PLSCR2: variants seen among roughly 807,000 people sequenced by gnomAD.
PLSCR2 encodes phospholipid scramblase 2, also known as PL scramblase 2.
PLSCR2 carries 18 observed loss-of-function variants against 25.3 expected under a neutral mutation model. That is an observed-to-expected ratio of 0.71 (90% CI 0.49 to 1.06). The LOEUF is 1.06. Among genes scored for constraint, PLSCR2 ranks in the 50% least tolerant of loss-of-function variants. The pLI is 0.00. For missense variants in PLSCR2, 243 were observed against 269.5 expected, an observed-to-expected ratio of 0.90 and a Z score of 0.69; for synonymous variants, 88 against 87.3, an observed-to-expected ratio of 1.01 and a Z score of -0.04.
downstream of PLSCR2, among the ~76,000 whole-genome samples, chr3:146,440,488 C>G (rs1207527994): frequency 6.6e-6 from 1 of 152,206 alleles, no homozygotes; most frequent in East Asian, 1.9e-4. Flanking sequence ...ACGCCCCTTC[C>G]CCAGCCTCGC....
chr3:146,452,907 A>T (rs1450896606), intron 5 of PLSCR2, among the ~76,000 whole-genome samples: 1 of 151,896 alleles, frequency 6.6e-6, no homozygotes, highest in East Asian at 1.9e-4. Context: ...ATATATACCC[A>T]CACACATGTG....
chr3:146,475,393 T>C (rs2042253128), intron 1 of PLSCR2, among the ~76,000 whole-genome samples: 1 of 152,152 alleles, frequency 6.6e-6, no homozygotes, highest in South Asian at 2.1e-4. Context: ...TCCTTTTCTG[T>C]AGGGCTGCTG....
intron 2 of PLSCR2, among the ~76,000 whole-genome samples, chr3:146,426,274 T>C (rs1038856504): frequency 5.1e-5 from 6 of 117,150 alleles, no homozygotes; most frequent in African/African-American, 2.1e-4. Flanking sequence ...TCCTTCCTTC[T>C]TTTCTTCCTT....
chr3:146,493,501 CA>C (rs1432418006), intron 1 of PLSCR2, among the ~76,000 whole-genome samples: 7 of 152,106 alleles, frequency 4.6e-5, no homozygotes, highest in Non-Finnish European at 1.0e-4. Context: ...AAATGTGATT[CA>C]TCACATAAAC....
intron 5 of PLSCR2, among the ~76,000 whole-genome samples, chr3:146,453,315 T>G (rs2041007845): frequency 6.6e-6 from 1 of 152,124 alleles, no homozygotes; most frequent in Non-Finnish European, 1.5e-5. Context: ...TTTTCTGATT[T>G]TCCAAGAGAA....
intron 2 of PLSCR2, among the ~76,000 whole-genome samples, chr3:146,420,607 C>G (rs2039116366): frequency 6.6e-6 from 1 of 151,852 alleles, no homozygotes; most frequent in Non-Finnish European, 1.5e-5. Flanking sequence ...AATTGTTGCT[C>G]TATTATTGAT....
intron 1 of PLSCR2, among the ~76,000 whole-genome samples, chr3:146,487,997 T>A (rs1048439926): frequency 6.6e-6 from 1 of 152,056 alleles, no homozygotes; most frequent in Admixed American, 6.6e-5. Flanking sequence ...TGGAATGGAA[T>A]AGAGATCTCA....
intron 2 of PLSCR2, among the ~76,000 whole-genome samples, chr3:146,406,624 T>A (rs2038668048): frequency 6.6e-6 from 1 of 152,166 alleles, no homozygotes; most frequent in Non-Finnish European, 1.5e-5. Context: ...TTCACCTGAC[T>A]TAGGTGCAGT....
At chr3:146,400,806 A>G (rs1292579209) in intron 2 of PLSCR2, among the ~76,000 whole-genome samples, 1 of 151,912 alleles carries the variant, frequency 6.6e-6, no homozygotes, top group African/African-American at 2.4e-5. Context: ...ATTTGTATGT[A>G]TATACATAGG....
At chr3:146,423,233 G>GT in intron 2 of PLSCR2, among the ~76,000 whole-genome samples, 2 of 36,144 alleles carry the variant, frequency 5.5e-5, no homozygotes, top group Admixed American at 3.6e-4. Flanking sequence ...TCCTTGCAGT[G>GT]CCTCTCTCTC....
intron 4 of PLSCR2, among the ~76,000 whole-genome samples, chr3:146,454,815 A>G: frequency 6.6e-6 from 1 of 152,176 alleles, no homozygotes; most frequent in East Asian, 1.9e-4. Flanking sequence ...GTCCCTTACT[A>G]GGTTGGCCAA....
intron 2 of PLSCR2, among the ~76,000 whole-genome samples, chr3:146,412,719 C>T (rs953460915): frequency 6.6e-6 from 1 of 152,142 alleles, no homozygotes; most frequent in Non-Finnish European, 1.5e-5. Flanking sequence ...GGAAGAGGTT[C>T]TTATTCCTGA....
intron 1 of PLSCR2, among the ~76,000 whole-genome samples, chr3:146,481,421 C>T (rs552978176): frequency 6.6e-6 from 1 of 152,322 alleles, no homozygotes; most frequent in African/African-American, 2.4e-5. Context: ...AAATCACAAG[C>T]ATTCCTATAC....
intron 1 of PLSCR2, among the ~76,000 whole-genome samples, chr3:146,467,282 T>G (rs2108470482): frequency 6.6e-6 from 1 of 152,286 alleles, no homozygotes; most frequent in East Asian, 1.9e-4. Flanking sequence ...AACTAACAAG[T>G]AAACCAAGGA....
chr3:146,460,084 C>A lies in PLSCR2; in HGVS notation c.-179-1G>T. On this transcript the variant is annotated splice_acceptor_variant, in intron 1 of 6. Coordinates refer to ENST00000610787, the Ensembl canonical transcript of PLSCR2. LOFTEE classifies it low-confidence loss of function (5UTR_SPLICE). Reference sequence around the variant, plus strand: ...GGGTAGACAATATGTCCGGGAGGTCCTGAAATAGGAGCAAGTAAAATAATT... The same window carrying A: ...GGGTAGACAATATGTCCGGGAGGTCATGAAATAGGAGCAAGTAAAATAATT... The A allele has an allele frequency of 6.6e-7, 1 of 1,509,510 alleles. No individual in the cohort carries two copies. Among genetic ancestry groups the A allele is most frequent in the South Asian group, 1.2e-5 (1 of 81,022 alleles). 93.5% of individuals were successfully genotyped at this position (1,509,510 alleles called of 1,614,324 possible).
intron 1 of PLSCR2, among the ~76,000 whole-genome samples, chr3:146,480,181 A>C (rs979828658): frequency 6.6e-6 from 1 of 152,236 alleles, no homozygotes; most frequent in South Asian, 2.1e-4. Context: ...AAAGAACTAG[A>C]GAAGCAACAG....
chr3:146,423,196 T>G (rs558673533), intron 2 of PLSCR2, among the ~76,000 whole-genome samples: 1 of 150,750 alleles, frequency 6.6e-6, no homozygotes, highest in South Asian at 2.1e-4. Flanking sequence ...CAAACATTCT[T>G]GATTCTTTGG....
intron 6 of PLSCR2, among the ~76,000 whole-genome samples, chr3:146,445,123 T>G (rs1233341875): frequency 6.6e-6 from 1 of 152,122 alleles, no homozygotes; most frequent in Non-Finnish European, 1.5e-5. Context: ...ACTATGTCTT[T>G]AAGAGTTGTT....
chr3:146,444,141 T>C (rs574705053), intron 6 of PLSCR2, among the ~76,000 whole-genome samples: 13 of 152,114 alleles, frequency 8.5e-5, no homozygotes, highest in South Asian at 6.2e-4. Context: ...TATAATTTCA[T>C]ATTTTTAAAG....
Sources: allele counts gnomAD v4.1 joint callset (sites outside exome capture counted in the v4.1 genomes callset), GRCh38; gene constraint gnomAD v4.1.1; transcripts MANE v1.5; gene names NCBI Gene and HGNC (gene_info 2026-07-23, HGNC 2026-07-21).